Variants in CHEK1 observed in about 807,000 individuals in gnomAD.
CHEK1 encodes checkpoint kinase 1, also known as serine/threonine-protein kinase Chk1.
In CHEK1, 32 loss-of-function variants were observed where a neutral mutation model predicts 60.2. That is an observed-to-expected ratio of 0.53 (90% confidence interval 0.40 to 0.71). CHEK1 has a LOEUF of 0.71. Ranked by LOEUF, CHEK1 falls within the 30% of genes least tolerant of loss-of-function variation. The pLI, the probability that CHEK1 is intolerant of heterozygous loss-of-function variation, is 0.00. For synonymous variants in CHEK1, 179 were observed against 187.2 expected (o/e 0.96, Z 0.36); for missense variants, 399 against 564.6 (o/e 0.71, Z 2.97).
At chr11:125,631,357 A>C (rs571486494) in intron 5 of CHEK1, among the ~76,000 whole-genome samples, 1 of 152,322 alleles carries the variant, frequency 6.6e-6, no homozygotes, top group African/African-American at 2.4e-5. Flanking sequence ...TTCATCACAA[A>C]TATATTCTTC....
intron 5 of CHEK1, among the ~76,000 whole-genome samples, chr11:125,631,533 A>G (rs1266106362): frequency 2.6e-5 from 4 of 152,078 alleles, no homozygotes; most frequent in African/African-American, 4.8e-5. Context: ...TTGAAACTCA[A>G]TCTCAGTGGT....
chr11:125,675,037 C>T (rs567393639), intron 13 of CHEK1, among the ~76,000 whole-genome samples: 1 of 152,326 alleles, frequency 6.6e-6, no homozygotes, highest in African/African-American at 2.4e-5. Context: ...TCTCTTTAAT[C>T]TTGACTGCAC....
At chr11:125,651,342 C>T (rs1012563763) in intron 11 of CHEK1, among the ~76,000 whole-genome samples, 6 of 141,290 alleles carry the variant, frequency 4.2e-5, no homozygotes, top group Non-Finnish European at 9.0e-5. Context: ...GTCTGGAGTG[C>T]AATGGTGTGA....
rs181654866 is a variant in CHEK1, at chr11:125,633,874, A to G, written c.613+523A>G. On this transcript the variant is annotated intron_variant, in intron 6 of 12. Coordinates refer to ENST00000438015, the MANE Select transcript of CHEK1 (RefSeq NM_001114122.3). ...TCTCACAGTTCTGGAGGCTGAAAAT[A>G]TGAGATTAGGGGTGCCAACCTGGTC... Among the ~76,000 whole-genome samples the G allele has an allele frequency of 1.6e-4, 25 of 152,190 alleles. No homozygotes were observed. In the South Asian group the frequency reaches 2.1e-3, roughly 13 times the overall value.
chr11:125,648,793 T>C (rs1312661384), intron 11 of CHEK1, among the ~76,000 whole-genome samples: 1 of 152,114 alleles, frequency 6.6e-6, no homozygotes, highest in Non-Finnish European at 1.5e-5. Context: ...TGATGTTAGC[T>C]GTGGGGTTTT....
intron 1 of CHEK1, chr11:125,626,285 C>T (rs1940599127): frequency 2.0e-6 from 1 of 502,022 alleles, no homozygotes; most frequent in South Asian, 2.9e-5. Flanking sequence ...CAGTTTGGCC[C>T]CGCCCCGGCC....
chr11:125,659,706 C>T (rs1941978443), downstream of CHEK1, among the ~76,000 whole-genome samples: 1 of 152,148 alleles, frequency 6.6e-6, no homozygotes, highest in Non-Finnish European at 1.5e-5. Context: ...GAGATATTCA[C>T]ATAGCTTAAA....
chr11:125,672,788 T>G, intron 13 of CHEK1: 1 of 1,582,952 alleles, frequency 6.3e-7, no homozygotes, highest in Non-Finnish European at 8.6e-7. Flanking sequence ...TCTGTGATGC[T>G]CAGTGTCTCC....
In CHEK1 at chr11:125,645,040, A is replaced by G. The variant is rs535521745; in HGVS notation, c.1233+397A>G. Among the ~76,000 whole-genome samples the G allele has an allele frequency of 2.0e-5, 3 of 152,332 alleles. No homozygotes were observed. In the South Asian group the frequency reaches 6.2e-4, roughly 32 times the overall value. ...CAAACAAACATAAAAATACAAAGTA[A>G]TTAGTTAATTTGAAAAAGAAACTAT... On this transcript the variant is annotated intron_variant, in intron 11 of 12. Coordinates refer to ENST00000438015, the MANE Select transcript of CHEK1 (RefSeq NM_001114122.3).
At chr11:125,627,908 C>T (rs1940690700) in intron 3 of CHEK1, 78 bp downstream of exon 3, 5 of 1,158,344 alleles carry the variant, frequency 4.3e-6, no homozygotes, top group South Asian at 3.4e-5. Flanking sequence ...GCTATTTGGT[C>T]GTTGTCCTTT....
intron 13 of CHEK1, among the ~76,000 whole-genome samples, chr11:125,668,271 C>T (rs1942134404): frequency 6.6e-6 from 1 of 152,076 alleles, no homozygotes; most frequent in East Asian, 1.9e-4. Flanking sequence ...TGGAATAGTT[C>T]CTCGATGTTT....
rs546900560 is a variant in CHEK1 at position 125,655,654 on chromosome 11, A to G, written c.*334A>G. 1 of 239,362 alleles carries G rather than the reference A, an allele frequency of 4.2e-6. No individual in the cohort carries two copies. Among genetic ancestry groups the G allele is most frequent in the Non-Finnish European group, 8.1e-6 (1 of 123,172 alleles). 14.8% of individuals were successfully genotyped at this position (239,362 alleles called of 1,614,324 possible). On this transcript the variant is annotated 3_prime_UTR_variant, in exon 13 of 13. Coordinates refer to ENST00000438015, the MANE Select transcript of CHEK1 (RefSeq NM_001114122.3). ...TCCAGCTTTTATACACACGTATCTCATTTTTATCAAAACATTTTGTTTAAT... is the reference window on the plus strand; with the variant it reads ...TCCAGCTTTTATACACACGTATCTCGTTTTTATCAAAACATTTTGTTTAAT...
rs146136989 is a variant in CHEK1 at position 125,664,568 on chromosome 11, A to G, written c.*27+9221A>G. 2.7e-3 allele frequency among the ~76,000 whole-genome samples: 409 copies of G among 152,090 alleles called. 1 individual carries two copies. Among genetic ancestry groups the G allele is most frequent in the African/African-American group, 8.9e-3 (369 of 41,506 alleles). ...TTTCATATACCTATTGGCCATTTGT[A>G]TGTCTTTTGAGAAATGTCTGTTCAG... On this transcript the variant is annotated intron_variant, in intron 13 of 13. Coordinates refer to the CHEK1 transcript ENST00000428830.
At chr11:125,679,216 C>CTTTTTTTTTTTTTTTTT (rs71045115), downstream of CHEK1, among the ~76,000 whole-genome samples, 287 of 120,954 alleles carry the variant, frequency 2.4e-3, 5 homozygotes, top group African/African-American at 5.0e-3. Flanking sequence ...CCGTCTCTTT[C>CTTTTTTTTTTTTTTTTT]TTTTTTTTTT....
In CHEK1 at chr11:125,644,595, G is replaced by A. The variant is rs755243185; in HGVS notation, c.1185G>A (p.Glu395=). The part of the protein sequence containing the change: ...DADKSYQCLK[E]TCEKLGYQWK... Reference sequence around the variant, plus strand: ...ACAAATCTTATCAATGCCTGAAAGAGACTTGTGAGAAGTTGGGCTATCAAT... The same window carrying A: ...ACAAATCTTATCAATGCCTGAAAGAAACTTGTGAGAAGTTGGGCTATCAAT... Residue 395 remains glutamate, a synonymous_variant, in exon 11 of 13, where the codon GAG becomes GAA. Transcript: ENST00000438015. 6.2e-6 allele frequency: 10 copies of A among 1,614,166 alleles called. No homozygotes were observed. The highest frequency in any genetic ancestry group is 1.1e-5 in the South Asian group (1 of 91,088).
intron 11 of CHEK1, among the ~76,000 whole-genome samples, chr11:125,650,454 G>GTTTTT (rs1294343202): frequency 1.7e-5 from 2 of 120,474 alleles, no homozygotes; most frequent in Admixed American, 7.7e-5. Flanking sequence ...TTTTAGTGGT[G>GTTTTT]TTTGTTTTTT....
intron 6 of CHEK1, 32 bp downstream of exon 6, chr11:125,633,383 A>AT: frequency 6.8e-7 from 1 of 1,468,560 alleles, no homozygotes. Context: ...TAAAACTCCT[A>AT]TAAAAAGTCA....
Position 125,627,793 on chromosome 11 carries a change from G to T in CHEK1, c.252G>T (p.Leu84=), listed in dbSNP as rs774408988. Reference sequence around the variant, plus strand: ...AAGGCAATATCCAATATTTATTTCTGGAGTACTGTAGTGGAGGAGAGCTTT... The same window carrying T: ...AAGGCAATATCCAATATTTATTTCTTGAGTACTGTAGTGGAGGAGAGCTTT... The part of the protein sequence containing the change: ...RREGNIQYLF[L]EYCSGGELFD... The change falls in exon 3 of 13, where the codon CTG becomes CTT. Residue 84 remains leucine (L), a synonymous_variant. Coordinates refer to ENST00000438015, the MANE Select transcript of CHEK1 (RefSeq NM_001114122.3). 2 of 1,611,766 alleles carry T rather than the reference G, an allele frequency of 1.2e-6. No homozygotes were observed. The highest frequency in any genetic ancestry group is 4.5e-5 in the East Asian group (2 of 44,820).
At chr11:125,644,386 T>C in intron 10 of CHEK1, 118 bp downstream of exon 10, 1 of 1,459,056 alleles carries the variant, frequency 6.9e-7, no homozygotes, top group Non-Finnish European at 9.2e-7. Context: ...TATTCTTTTT[T>C]GGTCAAGGAA....
Sources: gnomAD v4.1 joint callset for allele counts (sites outside exome capture counted in the v4.1 genomes callset) on GRCh38, gnomAD v4.1.1 for gene constraint, MANE v1.5 for transcripts, NCBI Gene and HGNC (gene_info 2026-07-23, HGNC 2026-07-21) for gene names.